Variants in RSRC1 observed in about 807,000 individuals in gnomAD.
The protein encoded by RSRC1 is serine/Arginine-related protein 53.
RSRC1 carries 39 observed loss-of-function variants against 49.1 expected under a neutral mutation model. The observed-to-expected ratio is 0.79, with a 90% CI of 0.61 to 1.04. The LOEUF (loss-of-function observed/expected upper bound fraction) is 1.04. Ranked by LOEUF, RSRC1 falls within the 50% of genes least tolerant of loss-of-function variation. The pLI, the probability that RSRC1 is intolerant of heterozygous loss-of-function variation, is 0.00. For synonymous variants in RSRC1, 143 were observed against 130.8 expected (o/e 1.09, Z -0.63); for missense variants, 388 against 402.4 (o/e 0.96, Z 0.31).
chr3:158,512,977 CTT>C (rs1740275089), intron 7 of RSRC1, among the ~76,000 whole-genome samples: 1 of 135,252 alleles, frequency 7.4e-6, no homozygotes, highest in African/African-American at 2.8e-5. Context: ...TATCCTGAGA[CTT>C]TGCTGAAGTT....
rs192074645 is a variant in RSRC1 at position 158,113,602 on chromosome 3, C to T, written c.-3+3379C>T. Among the ~76,000 whole-genome samples the T allele has an allele frequency of 3.6e-3, 540 of 152,042 alleles. 2 individuals are homozygous for T. The highest frequency in any genetic ancestry group is 0.012 in the African/African-American group (502 of 41,482). On this transcript the variant is annotated intron_variant, in intron 1 of 9. Transcript: ENST00000611884. ...CAGGATGGTCTCCATCTCCTGACCT[C>T]GTGATCCACCCCCCTCAGCCTCCCA...
intron 7 of RSRC1, among the ~76,000 whole-genome samples, chr3:158,526,847 G>C (rs1003840174): frequency 2.6e-5 from 4 of 151,824 alleles, no homozygotes; most frequent in Non-Finnish European, 5.9e-5. Flanking sequence ...CATCACAAAA[G>C]AACAGATCAC....
intron 6 of RSRC1, among the ~76,000 whole-genome samples, chr3:158,441,556 T>A (rs1324615358): frequency 2.6e-5 from 4 of 152,068 alleles, no homozygotes; most frequent in African/African-American, 9.7e-5. Context: ...TAACAGATAA[T>A]CTCTCCAATT....
chr3:158,503,858 C>T (rs968036423), intron 7 of RSRC1, among the ~76,000 whole-genome samples: 5 of 152,162 alleles, frequency 3.3e-5, no homozygotes, highest in African/African-American at 7.2e-5. Context: ...AGTCTGCACA[C>T]GGGATTTGTG....
intron 7 of RSRC1, among the ~76,000 whole-genome samples, chr3:158,462,901 A>G (rs193099416): frequency 6.6e-6 from 1 of 152,124 alleles, no homozygotes; most frequent in Admixed American, 6.6e-5. Flanking sequence ...TCCTCCAATC[A>G]TAGCTGTTTT....
intron 4 of RSRC1, among the ~76,000 whole-genome samples, chr3:158,257,092 A>C (rs1260356349): frequency 6.6e-6 from 1 of 151,674 alleles, no homozygotes; most frequent in African/African-American, 2.4e-5. Flanking sequence ...CTCTGATCTT[A>C]GTTATTTCTT....
chr3:158,347,361 G>A (rs537994234), intron 5 of RSRC1, among the ~76,000 whole-genome samples: 1 of 152,236 alleles, frequency 6.6e-6, no homozygotes, highest in African/African-American at 2.4e-5. Context: ...TAGTACTCTA[G>A]CACCATTTCC....
At chr3:158,337,138 T>C (rs1019825864) in intron 5 of RSRC1, among the ~76,000 whole-genome samples, 1 of 152,200 alleles carries the variant, frequency 6.6e-6, no homozygotes, top group Non-Finnish European at 1.5e-5. Context: ...TCCTCTGCCA[T>C]GTGAGAAAGA....
In RSRC1 at chr3:158,228,825, ACG is replaced by A. The variant is rs1255822732; in HGVS notation, c.494+25581_494+25582del. On this transcript the variant is annotated intron_variant, in intron 4 of 9. Coordinates refer to ENST00000611884, the MANE Select transcript of RSRC1 (RefSeq NM_001271838.2). ...TATATATGTCTATGATCATAGACAC[ACG>A]TGTGTATATATGTATATAAACACAC... is the stretch of plus-strand genomic sequence containing the variant. Among the ~76,000 whole-genome samples the A allele has an allele frequency of 1.4e-5, 2 of 142,090 alleles. 1 individual carries two copies. The highest frequency in any genetic ancestry group is 3.1e-5 in the Non-Finnish European group (2 of 64,568). The allele number at this position is 142,090 out of a possible 152,430, so 93.2% of individuals were successfully genotyped here. A position where few individuals can be genotyped will look rare whatever the true frequency, so the allele number is the denominator to read the frequency against.
intron 3 of RSRC1, among the ~76,000 whole-genome samples, chr3:158,171,511 A>G (rs897071569): frequency 9.2e-5 from 14 of 152,218 alleles, no homozygotes; most frequent in Non-Finnish European, 2.1e-4. Context: ...ATGAATAGAA[A>G]GATAGAACTT....
At chr3:158,368,050 AAG>A (rs1731874840) in intron 6 of RSRC1, among the ~76,000 whole-genome samples, 1 of 152,298 alleles carries the variant, frequency 6.6e-6, no homozygotes, top group South Asian at 2.1e-4. Flanking sequence ...AGGAAAAAAA[AAG>A]GTACCAGCTA....
intron 4 of RSRC1, among the ~76,000 whole-genome samples, chr3:158,231,282 C>T (rs373093273): frequency 2.0e-5 from 3 of 150,948 alleles, no homozygotes; most frequent in South Asian, 2.1e-4. Context: ...ATTACAGGTG[C>T]GTGCCACCAC....
chr3:158,404,570 T>C (rs1209936942), intron 6 of RSRC1, among the ~76,000 whole-genome samples: 4 of 151,946 alleles, frequency 2.6e-5, no homozygotes, highest in African/African-American at 7.2e-5. Context: ...TGAAATATTG[T>C]GAAATAATGG....
At chr3:158,143,814 A>G (rs1559916914) in intron 3 of RSRC1, among the ~76,000 whole-genome samples, 2 of 152,200 alleles carry the variant, frequency 1.3e-5, no homozygotes, top group Admixed American at 6.5e-5. Flanking sequence ...GCTATAATTG[A>G]CAACTTTGGG....
intron 7 of RSRC1, among the ~76,000 whole-genome samples, chr3:158,516,802 G>A (rs553712840): frequency 3.3e-5 from 5 of 152,330 alleles, no homozygotes; most frequent in Admixed American, 6.5e-5. Flanking sequence ...CTCCTGGTGC[G>A]CTATTTTTTA....
intron 5 of RSRC1, among the ~76,000 whole-genome samples, chr3:158,299,967 T>A (rs935928904): frequency 6.6e-6 from 1 of 152,196 alleles, no homozygotes; most frequent in African/African-American, 2.4e-5. Context: ...TAAATAACAT[T>A]TCATCTGAAG....
chr3:158,227,173 CT>C (rs1722574882), intron 4 of RSRC1, among the ~76,000 whole-genome samples: 1 of 151,732 alleles, frequency 6.6e-6, no homozygotes, highest in Non-Finnish European at 1.5e-5. Context: ...GTTATTGCCC[CT>C]ATTCAGAATA....
chr3:158,516,175 G>C (rs533892758), intron 7 of RSRC1, among the ~76,000 whole-genome samples: 2 of 152,068 alleles, frequency 1.3e-5, no homozygotes, highest in African/African-American at 4.8e-5. Context: ...AGAGGTGCTC[G>C]CTTTTTAGAG....
At chr3:158,511,090 T>C (rs553471923) in intron 7 of RSRC1, among the ~76,000 whole-genome samples, 30 of 149,400 alleles carry the variant, frequency 2.0e-4, no homozygotes, top group African/African-American at 7.1e-4. Context: ...CCCTAAAGAA[T>C]TGGCACCTCA....
Sources: gnomAD v4.1 joint callset for allele counts (sites outside exome capture counted in the v4.1 genomes callset) on GRCh38, gnomAD v4.1.1 for gene constraint, MANE v1.5 for transcripts, NCBI Gene and HGNC (gene_info 2026-07-23, HGNC 2026-07-21) for gene names.